Variants in CCDC171 observed in about 807,000 individuals in gnomAD.
CCDC171 encodes the protein coiled-coil domain containing 171.
A neutral mutation model predicts 168.2 loss-of-function variants in CCDC171; 177 were observed. The observed-to-expected ratio is 1.05, with a 90% CI of 0.93 to 1.19. The LOEUF (loss-of-function observed/expected upper bound fraction) is 1.19, where lower values mean the gene tolerates loss of function less well. Among genes scored for constraint, CCDC171 ranks in the 50% most tolerant of loss-of-function variants. The probability of loss-of-function intolerance (pLI) is 0.00; values close to 1 mark genes in which losing one functional copy is unlikely to be tolerated. For missense variants in CCDC171, 1,991 were observed against 1,539.0 expected, an observed-to-expected ratio of 1.29 and a Z score of -4.91; for synonymous variants, 687 against 540.8, an observed-to-expected ratio of 1.27 and a Z score of -3.75.
chr9:15,910,177 C>CAT (rs1431974742), intron 24 of CCDC171, among the ~76,000 whole-genome samples: 3 of 6,638 alleles, frequency 4.5e-4, no homozygotes, highest in Non-Finnish European at 1.8e-3. Context: ...TATGTGCACA[C>CAT]ACACACACAC....
chr9:15,783,475 T>C (rs2057772586), intron 20 of CCDC171, among the ~76,000 whole-genome samples: 1 of 152,200 alleles, frequency 6.6e-6, no homozygotes, highest in South Asian at 2.1e-4. Flanking sequence ...CACATCCTTT[T>C]TTACAATGGG....
At chr9:15,906,290 C>G (rs1004517224) in intron 24 of CCDC171, among the ~76,000 whole-genome samples, 19 of 152,254 alleles carry the variant, frequency 1.2e-4, no homozygotes, top group East Asian at 7.7e-4. Flanking sequence ...TACTGGCAAA[C>G]CAAATCCAGC....
intron 6 of CCDC171, among the ~76,000 whole-genome samples, chr9:16,026,933 T>C (rs983079101): frequency 6.6e-6 from 1 of 152,238 alleles, no homozygotes; most frequent in Non-Finnish European, 1.5e-5. Flanking sequence ...GTGAGTTTAC[T>C]CAGTCTTTAT....
At position 15,920,332 on chromosome 9, in the gene CCDC171, G is replaced by A. The variant is rs764600790; in HGVS notation, c.3663G>A (p.Glu1221=). The A allele has an allele frequency of 3.0e-5, 49 of 1,609,066 alleles. No individual in the cohort carries two copies. Among genetic ancestry groups the A allele is most frequent in the Non-Finnish European group, 3.5e-5 (41 of 1,176,728 alleles). ...CAAGCACTAGAATCATGACATTAGA[G>A]AAGGAAATGACATCTCATCGAAGTC... ...QLASTRIMTL[E]KEMTSHRSHI... The change falls in exon 25 of 26, where the codon GAG becomes GAA. Residue 1221 remains glutamate (E), a synonymous_variant. Coordinates refer to ENST00000380701, the MANE Select transcript of CCDC171 (RefSeq NM_173550.4).
the CCDC171 span, among the ~76,000 whole-genome samples, chr9:16,084,526 T>C: frequency 6.6e-6 from 1 of 152,228 alleles, no homozygotes; most frequent in East Asian, 1.9e-4. Flanking sequence ...ATTTTGGTAA[T>C]TGGCCCAGCA....
intron 23 of CCDC171, among the ~76,000 whole-genome samples, chr9:15,861,323 A>G (rs1225624747): frequency 6.6e-6 from 1 of 151,654 alleles, no homozygotes; most frequent in Non-Finnish European, 1.5e-5. Context: ...AATTACTGAT[A>G]GGAAATTATT....
At chr9:15,626,447 G>A (rs1481848194) in intron 7 of CCDC171, among the ~76,000 whole-genome samples, 1 of 152,086 alleles carries the variant, frequency 6.6e-6, no homozygotes, top group Non-Finnish European at 1.5e-5. Context: ...ATTGGCTGTG[G>A]GTTTGTCATA....
At chr9:15,807,871 T>A (rs1473564081) in intron 21 of CCDC171, among the ~76,000 whole-genome samples, 1 of 151,406 alleles carries the variant, frequency 6.6e-6, no homozygotes. Context: ...TCTTGCTCCA[T>A]GGTCCAAAAT....
intron 25 of CCDC171, among the ~76,000 whole-genome samples, chr9:15,925,143 C>T (rs1428422506): frequency 6.6e-6 from 1 of 151,528 alleles, no homozygotes; most frequent in Non-Finnish European, 1.5e-5. Flanking sequence ...TATAATCACA[C>T]TAAATAATGT....
At chr9:16,012,845 A>G (rs1832906472) in intron 3 of CCDC171, among the ~76,000 whole-genome samples, 1 of 152,130 alleles carries the variant, frequency 6.6e-6, no homozygotes, top group Middle Eastern at 3.2e-3. Context: ...GCATGGGTGG[A>G]GAGGGTGGAC....
In CCDC171 at chr9:16,055,484, C is replaced by A. The variant is rs1158713519; in HGVS notation, n.90-5162C>A. On this transcript the variant is annotated intron_variant and non_coding_transcript_variant, in intron 1 of 1. Coordinates refer to the CCDC171 transcript ENST00000478913. ...ACCTGCTGAGGGAGGGCTCTGGAAG[C>A]TTTCTGTGAGAGTGTGCCAGGCTCT... Among the ~76,000 whole-genome samples the A allele has an allele frequency of 2.0e-5, 3 of 152,268 alleles. No individual in the cohort carries two copies. The East Asian group carries it at 5.8e-4, about 29-fold the overall frequency.
At chr9:15,787,544 C>A (rs553679529) in intron 21 of CCDC171, among the ~76,000 whole-genome samples, 109 of 152,074 alleles carry the variant, frequency 7.2e-4, no homozygotes, top group African/African-American at 2.5e-3. Flanking sequence ...TCTTCTGTTT[C>A]TCCGTCTCCT....
rs376293838 is a variant in CCDC171 at position 15,987,416 on chromosome 9, TA to T, written n.369-33169del. Among the ~76,000 whole-genome samples the T allele has an allele frequency of 1.7e-3, 259 of 150,998 alleles. 2 individuals carry two copies. The highest frequency in any genetic ancestry group is 5.9e-3 in the African/African-American group (241 of 41,064). On this transcript the variant is annotated intron_variant and non_coding_transcript_variant, in intron 3 of 9. Transcript: ENST00000486641. ...AACCTGCACATGTACCCCTTGAACC[TA>T]AAATAAAAGTTGGAAAGAAAAAGCA...
chr9:15,823,753 T>C (rs2059897224), intron 21 of CCDC171, among the ~76,000 whole-genome samples: 1 of 152,116 alleles, frequency 6.6e-6, no homozygotes, highest in African/African-American at 2.4e-5. Context: ...TAATTTGTCA[T>C]AGCAGGAGAT....
At chr9:15,662,692 C>T (rs1220757507) in intron 8 of CCDC171, among the ~76,000 whole-genome samples, 2 of 151,924 alleles carry the variant, frequency 1.3e-5, no homozygotes, top group Non-Finnish European at 2.9e-5. Context: ...ATAAACATTG[C>T]CAGTTGGACA....
intron 3 of CCDC171, among the ~76,000 whole-genome samples, chr9:15,997,223 G>A (rs1228187149): frequency 6.6e-6 from 1 of 152,078 alleles, no homozygotes; most frequent in Non-Finnish European, 1.5e-5. Flanking sequence ...GTGCAGATAA[G>A]GTAAAGCCAA....
At chr9:15,680,141 A>T (rs990802934) in intron 10 of CCDC171, among the ~76,000 whole-genome samples, 3 of 152,172 alleles carry the variant, frequency 2.0e-5, no homozygotes, top group Non-Finnish European at 2.9e-5. Flanking sequence ...AGAGGATATG[A>T]ATGCATTGAG....
At chr9:15,599,876 T>C (rs1263737624) in intron 6 of CCDC171, among the ~76,000 whole-genome samples, 1 of 152,156 alleles carries the variant, frequency 6.6e-6, no homozygotes, top group African/African-American at 2.4e-5. Flanking sequence ...TAAACTTCTC[T>C]TCTCACTTCA....
intron 11 of CCDC171, among the ~76,000 whole-genome samples, chr9:15,696,697 A>T (rs1423753581): frequency 6.6e-6 from 1 of 152,206 alleles, no homozygotes; most frequent in Non-Finnish European, 1.5e-5. Context: ...TGAATTAGAA[A>T]AGCTAAGAAT....
Sources: allele counts gnomAD v4.1 joint callset (sites outside exome capture counted in the v4.1 genomes callset), GRCh38; gene constraint gnomAD v4.1.1; transcripts MANE v1.5; gene names NCBI Gene and HGNC (gene_info 2026-07-23, HGNC 2026-07-21).